Variants in WDR7 observed in about 807,000 individuals in gnomAD.
The protein encoded by WDR7 is WD repeat domain 7, also known as WD repeat-containing protein 7.
A neutral mutation model predicts 169.4 loss-of-function variants in WDR7; 46 were observed. That is an observed-to-expected ratio of 0.27 (90% CI 0.21 to 0.35). The LOEUF is 0.35. WDR7 is among the 10% of genes least tolerant of loss of function. The pLI, the probability that WDR7 is intolerant of heterozygous loss-of-function variation, is 1.00. For missense variants in WDR7, 1,534 were observed against 1,859.3 expected (o/e 0.83, Z 3.22); for synonymous variants, 612 against 666.8 (o/e 0.92, Z 1.27).
At chr18:57,015,787 A>G (rs138110738) in intron 26 of WDR7, among the ~76,000 whole-genome samples, 1 of 152,190 alleles carries the variant, frequency 6.6e-6, no homozygotes, top group Non-Finnish European at 1.5e-5. Context: ...ATTAAGTGGG[A>G]GCAGCACTGG....
intron 26 of WDR7, among the ~76,000 whole-genome samples, chr18:56,996,580 T>C (rs1293520042): frequency 6.6e-6 from 1 of 152,244 alleles, no homozygotes; most frequent in Non-Finnish European, 1.5e-5. Flanking sequence ...ATTAGGCTGC[T>C]GGTAGATTAG....
chr18:56,754,383 GTATATATACGTGTATA>G (rs1390672270), intron 14 of WDR7, among the ~76,000 whole-genome samples: 87 of 149,264 alleles, frequency 5.8e-4, no homozygotes, highest in Non-Finnish European at 1.1e-3. Context: ...GTATATATGT[GTATATATACGTGTATA>G]TATACACATA....
intron 2 of WDR7, among the ~76,000 whole-genome samples, chr18:56,677,886 A>G (rs73501742): frequency 0.026 from 3,924 of 152,158 alleles, 161 homozygotes; most frequent in African/African-American, 0.089. Flanking sequence ...TATGACCAGT[A>G]ACTCATATAT....
chr18:56,918,492 T>G (rs1312663656), intron 21 of WDR7, among the ~76,000 whole-genome samples: 2 of 152,206 alleles, frequency 1.3e-5, no homozygotes, highest in Non-Finnish European at 2.9e-5. Flanking sequence ...GGGCATGTAT[T>G]AGTACTATTT....
intron 26 of WDR7, chr18:57,010,092 A>G (rs2048116712): frequency 1.0e-6 from 1 of 985,364 alleles, no homozygotes. Flanking sequence ...AATCAAGACC[A>G]TTCATGCTGC....
chr18:57,028,298 G>A lies in WDR7; in HGVS notation c.*1091G>A, dbSNP rs570166730. The A allele has an allele frequency of 1.3e-5, 2 of 152,196 alleles. No individual in the cohort carries two copies. Among genetic ancestry groups the A allele is most frequent in the Admixed American group, 1.3e-4 (2 of 15,300 alleles). The allele number at this position is 152,196 out of a possible 1,614,324, so 9.4% of individuals were successfully genotyped here. A position where few individuals can be genotyped will look rare whatever the true frequency, so the allele number is the denominator to read the frequency against. On this transcript the variant is annotated 3_prime_UTR_variant, in exon 28 of 28. Coordinates refer to ENST00000254442, the MANE Select transcript of WDR7 (RefSeq NM_015285.3). ...TCAGGAGTGTATATAAAAATATGTGGGCTCTCGATTTATTTGAGCAAACAT... is the reference window on the plus strand; with the variant it reads ...TCAGGAGTGTATATAAAAATATGTGAGCTCTCGATTTATTTGAGCAAACAT...
At chr18:56,699,985 G>C in intron 12 of WDR7, 1 of 689,450 alleles carries the variant, frequency 1.5e-6, no homozygotes, top group Non-Finnish European at 1.8e-6. Flanking sequence ...TTATCTAAAA[G>C]TCTTTCCAAA....
At chr18:56,671,740 A>G (rs1164758842) in intron 1 of WDR7, among the ~76,000 whole-genome samples, 7 of 152,222 alleles carry the variant, frequency 4.6e-5, no homozygotes, top group African/African-American at 1.7e-4. Flanking sequence ...TCTGGGCTCC[A>G]TCACTTATCG....
At chr18:56,832,995 A>G (rs1275644866) in intron 20 of WDR7, among the ~76,000 whole-genome samples, 3 of 152,108 alleles carry the variant, frequency 2.0e-5, no homozygotes, top group African/African-American at 7.2e-5. Flanking sequence ...AGTTTGACGA[A>G]GAGACAGAAG....
intron 14 of WDR7, among the ~76,000 whole-genome samples, chr18:56,749,817 T>C (rs370322693): frequency 1.3e-5 from 2 of 151,898 alleles, no homozygotes; most frequent in East Asian, 3.9e-4. Flanking sequence ...ACTGAAAATA[T>C]CATTATAATA....
At chr18:56,678,885 G>A (rs561675747) in intron 2 of WDR7, among the ~76,000 whole-genome samples, 1 of 152,186 alleles carries the variant, frequency 6.6e-6, no homozygotes, top group East Asian at 1.9e-4. Context: ...GGCAGAGACT[G>A]TTGTTCTCTG....
At chr18:57,010,457 G>A (rs192957866) in intron 26 of WDR7, 88 of 303,042 alleles carry the variant, frequency 2.9e-4, no homozygotes, top group African/African-American at 1.7e-3. Context: ...ATATCAAAAC[G>A]TTATGTTTTC....
intron 1 of WDR7, among the ~76,000 whole-genome samples, chr18:56,660,842 T>G (rs1169257792): frequency 6.6e-6 from 1 of 152,122 alleles, no homozygotes; most frequent in Non-Finnish European, 1.5e-5. Context: ...GATAATGGAT[T>G]TAACAGTGGG....
intron 7 of WDR7, among the ~76,000 whole-genome samples, chr18:56,687,429 A>G (rs1172113944): frequency 1.3e-5 from 2 of 152,218 alleles, no homozygotes; most frequent in Non-Finnish European, 2.9e-5. Context: ...TAATATTTCC[A>G]TAATAGAAAA....
rs368854964 is a variant in WDR7 at position 56,911,553 on chromosome 18, A to G, written c.3527-12369A>G. On this transcript the variant is annotated intron_variant, in intron 21 of 27. Coordinates refer to ENST00000254442, the MANE Select transcript of WDR7 (RefSeq NM_015285.3). ...TTATTTCTCCTACACTTACTCTAGT[A>G]TCCATATCACAGTGTACTGAGTATT... 3.3e-5 allele frequency among the ~76,000 whole-genome samples: 5 copies of G among 152,350 alleles called. No homozygotes were observed. In the South Asian group the frequency reaches 1.0e-3, roughly 32 times the overall value.
At chr18:56,732,044 G>A (rs2026599153) in intron 14 of WDR7, among the ~76,000 whole-genome samples, 2 of 152,222 alleles carry the variant, frequency 1.3e-5, no homozygotes, top group Admixed American at 1.3e-4. Context: ...AAAGATTTAA[G>A]AAAATGTTTC....
At position 56,935,839 on chromosome 18, in the gene WDR7, G is replaced by A. The variant is rs763260173; in HGVS notation, c.3765G>A (p.Ala1255=). 6.8e-6 allele frequency: 11 copies of A among 1,613,862 alleles called. No homozygotes were observed. The highest frequency in any genetic ancestry group is 4.4e-5 in the South Asian group (4 of 91,074). Residue 1255 remains alanine (A), a synonymous_variant, in exon 23 of 28, where the codon GCG becomes GCA. Coordinates refer to ENST00000254442, the MANE Select transcript of WDR7 (RefSeq NM_015285.3). ...LSPAADSARS[A]RHALSLIATA... is the part of the protein sequence containing the mutation. ...CAGCAGCTGACTCGGCCCGCTCTGC[G>A]AGGCATGCCCTCTCGCTCATTGCCA...
chr18:56,897,900 C>A lies in WDR7; in HGVS notation c.3526+17735C>A, dbSNP rs568861528. 2.2e-4 allele frequency among the ~76,000 whole-genome samples: 33 copies of A among 151,930 alleles called. No homozygotes were observed. In the South Asian group the frequency reaches 6.9e-3, roughly 32 times the overall value. ...AAATAAATATAAATACTTTTTTATA[C>A]CTTGATTGGTGTGGAGACGTATATT... On this transcript the variant is annotated intron_variant, in intron 21 of 27. Transcript: ENST00000254442.
At chr18:56,795,396 G>A (rs2044566640) in intron 19 of WDR7, among the ~76,000 whole-genome samples, 3 of 152,126 alleles carry the variant, frequency 2.0e-5, no homozygotes, top group African/African-American at 7.2e-5. Flanking sequence ...TTTGTTCACT[G>A]TTGCTTGCCT....
Sources: gnomAD v4.1 joint callset for allele counts (sites outside exome capture counted in the v4.1 genomes callset) on GRCh38, gnomAD v4.1.1 for gene constraint, MANE v1.5 for transcripts, NCBI Gene and HGNC (gene_info 2026-07-23, HGNC 2026-07-21) for gene names.